The following SNX29 variants were observed in gnomAD, a reference collection of about 807,000 sequenced individuals.
SNX29 encodes sorting nexin-29.
A neutral mutation model predicts 102.1 loss-of-function variants in SNX29; 78 were observed. The observed-to-expected ratio is 0.76, with a 90% CI of 0.64 to 0.92. The LOEUF is 0.92. Among genes scored for constraint, SNX29 ranks in the 40% least tolerant of loss-of-function variants. SNX29 has a pLI of 0.00. For missense variants in SNX29, 1,280 were observed against 1,061.7 expected, an observed-to-expected ratio of 1.21 and a Z score of -2.86; for synonymous variants, 580 against 414.5, an observed-to-expected ratio of 1.40 and a Z score of -4.85.
At chr16:12,337,823 T>C (rs971719724) in intron 15 of SNX29, among the ~76,000 whole-genome samples, 2 of 152,170 alleles carry the variant, frequency 1.3e-5, no homozygotes, top group Non-Finnish European at 2.9e-5. Context: ...TCTTCCCTCA[T>C]CATCTCAAGT....
intron 11 of SNX29, among the ~76,000 whole-genome samples, chr16:12,122,769 C>T (rs543789713): frequency 6.6e-6 from 1 of 152,220 alleles, no homozygotes; most frequent in South Asian, 2.1e-4. Context: ...ATTCACATAG[C>T]ACCACTGAGG....
intron 15 of SNX29, among the ~76,000 whole-genome samples, chr16:12,295,140 G>T (rs1321817692): frequency 6.6e-6 from 1 of 152,180 alleles, no homozygotes; most frequent in Non-Finnish European, 1.5e-5. Flanking sequence ...ACAACACATG[G>T]GAATTATGGG....
chr16:12,200,736 C>T (rs1203331445), intron 14 of SNX29, among the ~76,000 whole-genome samples: 2 of 152,222 alleles, frequency 1.3e-5, no homozygotes, highest in African/African-American at 2.4e-5. Context: ...CCGTCCGCCT[C>T]GGCCTCCCAA....
intron 20 of SNX29, among the ~76,000 whole-genome samples, chr16:12,533,350 G>A (rs535217739): frequency 6.6e-6 from 1 of 152,320 alleles, no homozygotes; most frequent in South Asian, 2.1e-4. Context: ...TCCTGGGATA[G>A]CTTAGATGCT....
At chr16:12,468,097 C>T (rs1016617556) in intron 18 of SNX29, among the ~76,000 whole-genome samples, 10 of 151,882 alleles carry the variant, frequency 6.6e-5, no homozygotes, top group African/African-American at 2.4e-4. Flanking sequence ...ACACGAGCCC[C>T]TGCCACATGT....
At chr16:12,510,916 G>A (rs947678102) in intron 19 of SNX29, among the ~76,000 whole-genome samples, 1 of 152,080 alleles carries the variant, frequency 6.6e-6, no homozygotes, top group East Asian at 1.9e-4. Flanking sequence ...TCGCAGGTGG[G>A]GTCCTTCCTG....
chr16:12,229,837 G>A (rs944641834), intron 14 of SNX29, among the ~76,000 whole-genome samples: 3 of 152,144 alleles, frequency 2.0e-5, no homozygotes, highest in Non-Finnish European at 2.9e-5. Context: ...GATCACTCAG[G>A]TAGCTCAGCT....
At chr16:12,293,105 T>G (rs1283404418) in intron 15 of SNX29, among the ~76,000 whole-genome samples, 2 of 152,224 alleles carry the variant, frequency 1.3e-5, no homozygotes, top group East Asian at 3.8e-4. Flanking sequence ...ATCTTTTTAT[T>G]ACTATACATA....
At chr16:12,553,981 C>T (rs75645209) in intron 20 of SNX29, among the ~76,000 whole-genome samples, 1,658 of 152,254 alleles carry the variant, frequency 0.011, 18 homozygotes, top group South Asian at 0.028. Context: ...GCATCCACCA[C>T]ATTTGGCTAA....
At chr16:12,413,636 G>A (rs1173318746) in intron 18 of SNX29, among the ~76,000 whole-genome samples, 1 of 152,134 alleles carries the variant, frequency 6.6e-6, no homozygotes, top group African/African-American at 2.4e-5. Flanking sequence ...TCAGTGGTAC[G>A]CTGCTGTGCA....
intron 15 of SNX29, among the ~76,000 whole-genome samples, chr16:12,348,748 T>C (rs1381599997): frequency 6.6e-6 from 1 of 152,214 alleles, no homozygotes; most frequent in African/African-American, 2.4e-5. Flanking sequence ...ATCCCAGTTC[T>C]GCTGCTTACT....
At chr16:12,480,362 G>A (rs114773529) in intron 19 of SNX29, among the ~76,000 whole-genome samples, 314 of 152,220 alleles carry the variant, frequency 2.1e-3, no homozygotes, top group African/African-American at 7.3e-3. Flanking sequence ...TCTGTCTTCA[G>A]AGACATCACT....
intron 1 of SNX29, among the ~76,000 whole-genome samples, chr16:11,997,663 G>C (rs1031375568): frequency 1.3e-5 from 2 of 151,890 alleles, no homozygotes; most frequent in African/African-American, 4.8e-5. Flanking sequence ...GTTTTTGGTA[G>C]ATACAGGGCT....
intron 20 of SNX29, among the ~76,000 whole-genome samples, chr16:12,567,086 A>G (rs2079042507): frequency 6.6e-6 from 1 of 152,240 alleles, no homozygotes; most frequent in Non-Finnish European, 1.5e-5. Flanking sequence ...GGGATCCTCG[A>G]GGGGAATGAT....
At chr16:12,292,959 A>C (rs982103310) in intron 15 of SNX29, among the ~76,000 whole-genome samples, 2 of 152,216 alleles carry the variant, frequency 1.3e-5, no homozygotes, top group African/African-American at 4.8e-5. Flanking sequence ...GAATAAATCA[A>C]AATTTTCACC....
chr16:12,056,751 T>A (rs2050536749), intron 8 of SNX29, among the ~76,000 whole-genome samples: 1 of 152,236 alleles, frequency 6.6e-6, no homozygotes, highest in Admixed American at 6.5e-5. Context: ...GCGTTTTGTA[T>A]TTTTCTTTAC....
chr16:12,554,691 C>T (rs562113829), intron 20 of SNX29, among the ~76,000 whole-genome samples: 1 of 152,182 alleles, frequency 6.6e-6, no homozygotes, highest in African/African-American at 2.4e-5. Flanking sequence ...TTCTCAGCAT[C>T]CCTGCCCATG....
intron 15 of SNX29, among the ~76,000 whole-genome samples, chr16:12,335,005 G>A (rs563347408): frequency 1.8e-4 from 27 of 147,074 alleles, no homozygotes; most frequent in African/African-American, 3.2e-4. Flanking sequence ...GCGAATATGC[G>A]TCAGAAAACA....
At chr16:12,247,877 TCTAA>T (rs1188551351) in intron 14 of SNX29, among the ~76,000 whole-genome samples, 3 of 152,148 alleles carry the variant, frequency 2.0e-5, no homozygotes, top group Non-Finnish European at 2.9e-5. Context: ...TGACAGTAAA[TCTAA>T]CTTTTATCCC....
Sources: gnomAD v4.1 joint callset for allele counts (sites outside exome capture counted in the v4.1 genomes callset) on GRCh38, gnomAD v4.1.1 for gene constraint, MANE v1.5 for transcripts, NCBI Gene and HGNC (gene_info 2026-07-23, HGNC 2026-07-21) for gene names.